SCLT1: variants seen among roughly 807,000 people sequenced by gnomAD.
SCLT1 encodes the protein sodium channel and clathrin linker 1.
In SCLT1, 78 loss-of-function variants were observed where a neutral mutation model predicts 112.8. The observed-to-expected ratio is 0.69, with a 90% CI of 0.58 to 0.83. SCLT1 has a LOEUF of 0.83. Ranked by LOEUF, SCLT1 falls within the 40% of genes least tolerant of loss-of-function variation. The probability of loss-of-function intolerance (pLI) is 0.00; values close to 1 mark genes in which losing one functional copy is unlikely to be tolerated. For missense variants in SCLT1, 747 were observed against 770.4 expected (o/e 0.97, Z 0.36); for synonymous variants, 257 against 254.7 (o/e 1.01, Z -0.09).
intron 2 of SCLT1, among the ~76,000 whole-genome samples, chr4:129,060,225 G>T (rs778791619): frequency 2.6e-5 from 4 of 152,034 alleles, no homozygotes; most frequent in Non-Finnish European, 5.9e-5. Flanking sequence ...TTCATATTAT[G>T]AATTCTTTGT....
At chr4:129,051,035 A>C (rs952919887) in intron 2 of SCLT1, among the ~76,000 whole-genome samples, 3 of 81,686 alleles carry the variant, frequency 3.7e-5, no homozygotes, top group Admixed American at 2.7e-4. Flanking sequence ...AGATGGTTGT[A>C]GATGTGTGGT....
chr4:129,024,480 CT>C lies in SCLT1; in HGVS notation c.290+14560del, dbSNP rs1392098924. Among the ~76,000 whole-genome samples, 3 of 152,218 alleles carry C rather than the reference CT, an allele frequency of 2.0e-5. No homozygotes were observed. The East Asian group carries it at 5.8e-4, about 29-fold the overall frequency. Reference sequence around the variant, plus strand: ...CTAGGAAACTCCAACAGACCTGCCGCTGAGGGTCCTGTCTGTTAGAAGGAAA... The same window carrying C: ...CTAGGAAACTCCAACAGACCTGCCGCGAGGGTCCTGTCTGTTAGAAGGAAA... On this transcript the variant is annotated intron_variant, in intron 5 of 20. Coordinates refer to ENST00000281142, the MANE Select transcript of SCLT1 (RefSeq NM_144643.4).
At chr4:128,918,627 C>T (rs142633462) in intron 18 of SCLT1, among the ~76,000 whole-genome samples, 61 of 152,168 alleles carry the variant, frequency 4.0e-4, no homozygotes, top group East Asian at 1.2e-3. Context: ...CCAAATTAAA[C>T]GGCATAGAGT....
chr4:129,024,540 C>G (rs1745830696), intron 5 of SCLT1, among the ~76,000 whole-genome samples: 1 of 152,114 alleles, frequency 6.6e-6, no homozygotes, highest in African/African-American at 2.4e-5. Flanking sequence ...ACACCAAAAA[C>G]CCATCTGTAC....
intron 14 of SCLT1, among the ~76,000 whole-genome samples, chr4:128,952,018 C>T (rs1738790399): frequency 6.6e-6 from 1 of 152,000 alleles, no homozygotes. Context: ...AGGCAAGCAA[C>T]AGGGAAAATA....
intron 18 of SCLT1, among the ~76,000 whole-genome samples, chr4:128,897,152 A>C (rs1283022344): frequency 6.6e-6 from 1 of 152,178 alleles, no homozygotes; most frequent in Non-Finnish European, 1.5e-5. Context: ...GCCAACGTTC[A>C]TATTCAGGAA....
intron 10 of SCLT1, among the ~76,000 whole-genome samples, chr4:128,969,140 C>T (rs1364173943): frequency 6.6e-6 from 1 of 152,158 alleles, no homozygotes; most frequent in Non-Finnish European, 1.5e-5. Flanking sequence ...TGCTTCTTCA[C>T]TGGCCTCTCT....
At chr4:129,079,434 C>T (rs948027687) in intron 2 of SCLT1, among the ~76,000 whole-genome samples, 10 of 152,178 alleles carry the variant, frequency 6.6e-5, no homozygotes, top group African/African-American at 2.4e-4. Context: ...GGTCTACAGG[C>T]CGCGGGGCAT....
chr4:129,044,099 C>A, intron 2 of SCLT1, 48 bp from the exon 3 acceptor site: 3 of 930,144 alleles, frequency 3.2e-6, no homozygotes, highest in South Asian at 2.9e-5. Flanking sequence ...TCATTCTAGC[C>A]AAAATTGATA....
intron 5 of SCLT1, among the ~76,000 whole-genome samples, chr4:129,011,367 G>T (rs1744505718): frequency 6.6e-6 from 1 of 152,066 alleles, no homozygotes; most frequent in Admixed American, 6.6e-5. Context: ...AGGGATATTG[G>T]CCTGAAGTTT....
chr4:128,965,335 C>CT lies in SCLT1; in HGVS notation c.778-18dup, dbSNP rs1740083282. 6.6e-7 allele frequency: 1 copy of CT among 1,508,886 alleles called. No homozygotes were observed. The highest frequency in any genetic ancestry group is 9.2e-7 in the Non-Finnish European group (1 of 1,086,548). 93.5% of individuals were successfully genotyped at this position (1,508,886 alleles called of 1,614,324 possible). A position where few individuals can be genotyped will look rare whatever the true frequency, so the allele number is the denominator to read the frequency against. ...ATCCTTCTCCTAGAAAATAAAGAAA[C>CT]TAGAAGCTTACTTTGAGTATGTGAA... On this transcript the variant is annotated splice_polypyrimidine_tract_variant and intron_variant, in intron 10 of 20. Transcript: ENST00000281142.
intron 15 of SCLT1, among the ~76,000 whole-genome samples, chr4:128,948,158 A>AC (rs747224389): frequency 6.6e-6 from 1 of 151,594 alleles, no homozygotes; most frequent in Admixed American, 6.6e-5. Context: ...ACATGGTGAA[A>AC]CCCCATCTCT....
intron 2 of SCLT1, among the ~76,000 whole-genome samples, chr4:129,061,038 C>A (rs986844738): frequency 6.6e-6 from 1 of 152,094 alleles, no homozygotes; most frequent in African/African-American, 2.4e-5. Flanking sequence ...ACTGGCCCAA[C>A]TCCTGAGAAG....
At chr4:129,081,564 A>AGG (rs1316485998) in intron 2 of SCLT1, among the ~76,000 whole-genome samples, 1 of 152,090 alleles carries the variant, frequency 6.6e-6, no homozygotes, top group Admixed American at 6.6e-5. Flanking sequence ...AGGAAGAGAG[A>AGG]GAATGGGGAG....
At chr4:129,067,588 G>A (rs1179662786) in intron 2 of SCLT1, among the ~76,000 whole-genome samples, 1 of 152,022 alleles carries the variant, frequency 6.6e-6, no homozygotes, top group Non-Finnish European at 1.5e-5. Context: ...TCAGCTTACT[G>A]CAACAGCCAC....
At chr4:128,908,426 T>G (rs889960172) in intron 18 of SCLT1, among the ~76,000 whole-genome samples, 1 of 150,546 alleles carries the variant, frequency 6.6e-6, no homozygotes, top group East Asian at 1.9e-4. Flanking sequence ...CAGCCAAACA[T>G]TACAGATATA....
intron 5 of SCLT1, chr4:129,036,608 G>A (rs1027458062): frequency 4.0e-5 from 6 of 151,874 alleles, no homozygotes; most frequent in Non-Finnish European, 8.8e-5. Context: ...ATTAAAAGAT[G>A]TACTTTATTT....
chr4:129,068,407 G>C (rs1750686142), intron 2 of SCLT1, among the ~76,000 whole-genome samples: 1 of 152,136 alleles, frequency 6.6e-6, no homozygotes, highest in African/African-American at 2.4e-5. Flanking sequence ...TTTTGATAAT[G>C]GCCATTCTTG....
intron 18 of SCLT1, among the ~76,000 whole-genome samples, chr4:128,928,222 C>G: frequency 6.6e-6 from 1 of 151,856 alleles, no homozygotes; most frequent in East Asian, 1.9e-4. Flanking sequence ...TCCAATACTC[C>G]GTAAAATATA....
Sources: gnomAD v4.1 joint callset for allele counts (sites outside exome capture counted in the v4.1 genomes callset) on GRCh38, gnomAD v4.1.1 for gene constraint, MANE v1.5 for transcripts, NCBI Gene and HGNC (gene_info 2026-07-23, HGNC 2026-07-21) for gene names.